Variants in NAV2 observed in about 807,000 individuals in gnomAD.
NAV2 encodes the protein neuron navigator 2.
Under a neutral mutation model 223.2 loss-of-function variants are expected in NAV2, and 54 were observed. The observed-to-expected ratio is 0.24, with a 90% CI of 0.19 to 0.30. The LOEUF (loss-of-function observed/expected upper bound fraction) is 0.30, where lower values mean the gene tolerates loss of function less well. NAV2 is among the 10% of genes least tolerant of loss of function. The pLI, the probability that NAV2 is intolerant of heterozygous loss-of-function variation, is 1.00. For synonymous variants in NAV2, 1,279 were observed against 1,239.3 expected (o/e 1.03, Z -0.67); for missense variants, 2,806 against 3,147.5 (o/e 0.89, Z 2.60).
intron 17 of NAV2, among the ~76,000 whole-genome samples, chr11:20,053,079 A>G (rs1325922795): frequency 6.6e-6 from 1 of 151,918 alleles, no homozygotes; most frequent in Non-Finnish European, 1.5e-5. Flanking sequence ...TTAGCTGGGC[A>G]TGGTGGCACA....
chr11:19,601,293 C>T (rs1189772944), intron 1 of NAV2, among the ~76,000 whole-genome samples: 23 of 152,228 alleles, frequency 1.5e-4, no homozygotes, highest in Admixed American at 1.5e-3. Flanking sequence ...TTGGAACATC[C>T]TCCCTTTTCC....
chr11:19,512,048 G>A (rs2043295234), intron 1 of NAV2, among the ~76,000 whole-genome samples: 1 of 152,166 alleles, frequency 6.6e-6, no homozygotes, highest in African/African-American at 2.4e-5. Flanking sequence ...TTGTACCCCA[G>A]CCCAGTCTTT....
chr11:20,045,215 G>T lies in NAV2; in HGVS notation c.3447G>T (p.Leu1149=). 6.2e-7 allele frequency: 1 copy of T among 1,614,158 alleles called. No homozygotes were observed. Among genetic ancestry groups the T allele is most frequent in the East Asian group, 2.2e-5 (1 of 44,870 alleles). Residue 1149 remains leucine, a synonymous_variant, in exon 14 of 38, where the codon CTG becomes CTT. Transcript: ENST00000349880. ...GVTVTSRSAT[L]GKIPKSSALV... ...CTGTCACCAGCAGGTCAGCCACACT[G>T]GGCAAAATCCCAAAGTCATCTGCAC...
At chr11:19,746,085 G>C (rs2053313903) in intron 1 of NAV2, among the ~76,000 whole-genome samples, 1 of 152,214 alleles carries the variant, frequency 6.6e-6, no homozygotes, top group African/African-American at 2.4e-5. Context: ...GAAGAGAAGT[G>C]ATTTGTCCAA....
chr11:19,488,075 G>A (rs2042505122), intron 1 of NAV2, among the ~76,000 whole-genome samples: 4 of 152,174 alleles, frequency 2.6e-5, no homozygotes, highest in Admixed American at 6.5e-5. Context: ...CTTCAGGAAA[G>A]CAAGATAAAT....
intron 1 of NAV2, among the ~76,000 whole-genome samples, chr11:19,793,223 AAAAAAAGAAAG>A (rs1404097976): frequency 0.024 from 3,443 of 144,464 alleles, 33 homozygotes; most frequent in Non-Finnish European, 0.031. Flanking sequence ...AAAAAAAAAA[AAAAAAAGAAAG>A]AAAGAAAGAA....
At chr11:19,946,281 A>T in intron 8 of NAV2, 120 bp from the exon 9 acceptor site, 1 of 758,056 alleles carries the variant, frequency 1.3e-6, no homozygotes, top group Non-Finnish European at 2.0e-6. Flanking sequence ...CTTATTAAGC[A>T]CCCACAGCAA....
At chr11:19,359,268 G>T (rs897699416) in intron 1 of NAV2, among the ~76,000 whole-genome samples, 1 of 152,176 alleles carries the variant, frequency 6.6e-6, no homozygotes, top group Non-Finnish European at 1.5e-5. Flanking sequence ...GTCTTTATGC[G>T]TGTGGGGATT....
Position 20,090,163 on chromosome 11 carries a change from C to T in NAV2, c.5499-702C>T, listed in dbSNP as rs1280833872. ...TTCCACGCATATCTTTAGGTTTCAT[C>T]CCCATTTTGGCAAATAAAAATCACC... is the stretch of plus-strand genomic sequence containing the variant. On this transcript the variant is annotated intron_variant, in intron 26 of 37. Coordinates refer to ENST00000349880, the MANE Select transcript of NAV2 (RefSeq NM_145117.5). 3.9e-5 allele frequency among the ~76,000 whole-genome samples: 6 copies of T among 152,168 alleles called. No homozygotes were observed. In the East Asian group the frequency reaches 1.2e-3, roughly 29 times the overall value.
chr11:19,843,601 G>A (rs936467326), intron 3 of NAV2, among the ~76,000 whole-genome samples: 1 of 151,966 alleles, frequency 6.6e-6, no homozygotes, highest in Non-Finnish European at 1.5e-5. Flanking sequence ...CATTGGCTTA[G>A]TTTTTCACTT....
intron 8 of NAV2, 82 bp downstream of exon 8, chr11:19,939,855 C>CTG: frequency 1.1e-6 from 1 of 891,320 alleles, no homozygotes; most frequent in Non-Finnish European, 1.7e-6. Flanking sequence ...ATGAACCCAG[C>CTG]TTGATTACGA....
chr11:19,833,736 T>G (rs561006249), intron 2 of NAV2, among the ~76,000 whole-genome samples: 1 of 152,330 alleles, frequency 6.6e-6, no homozygotes, highest in South Asian at 2.1e-4. Flanking sequence ...TGCCCAGGGT[T>G]GCATTCTCAT....
Position 19,961,380 on chromosome 11 carries a change from G to A in NAV2, c.2645+12300G>A, listed in dbSNP as rs943174086. ...GGGAAGGTTGGAGAATACCAAGTTC[G>A]AGTTGAGGTGAATATGAAAAGAAAC... On this transcript the variant is annotated intron_variant, in intron 10 of 37. Transcript: ENST00000349880. Among the ~76,000 whole-genome samples the A allele has an allele frequency of 4.6e-5, 7 of 152,308 alleles. No individual in the cohort carries two copies. In the East Asian group the frequency reaches 7.7e-4, roughly 17 times the overall value.
At chr11:19,373,628 T>C (rs967308726) in intron 1 of NAV2, among the ~76,000 whole-genome samples, 9 of 152,172 alleles carry the variant, frequency 5.9e-5, no homozygotes, top group Admixed American at 4.6e-4. Flanking sequence ...CCCTGTTTTT[T>C]GTTTGTTTGT....
intron 10 of NAV2, among the ~76,000 whole-genome samples, chr11:19,982,448 T>C (rs2050385879): frequency 6.6e-6 from 1 of 152,152 alleles, no homozygotes; most frequent in South Asian, 2.1e-4. Context: ...AATTCACCAT[T>C]TTAAAGCATA....
At chr11:19,724,379 G>T (rs2051052591) in intron 1 of NAV2, among the ~76,000 whole-genome samples, 1 of 152,096 alleles carries the variant, frequency 6.6e-6, no homozygotes, top group Admixed American at 6.5e-5. Flanking sequence ...AAGAGACTGG[G>T]TGTCTCTCTG....
chr11:19,511,653 C>T (rs1190626524), intron 1 of NAV2: 1 of 152,242 alleles, frequency 6.6e-6, no homozygotes, highest in South Asian at 2.1e-4. Flanking sequence ...GTTTACTTCT[C>T]ACTGAGCAGT....
At chr11:19,599,487 GT>G (rs1294444998) in intron 1 of NAV2, among the ~76,000 whole-genome samples, 2 of 152,206 alleles carry the variant, frequency 1.3e-5, no homozygotes, top group African/African-American at 4.8e-5. Context: ...ACACAAAGGC[GT>G]TCTTTGAAGG....
intron 1 of NAV2, among the ~76,000 whole-genome samples, chr11:19,562,927 G>A (rs1232015564): frequency 6.6e-6 from 1 of 152,024 alleles, no homozygotes; most frequent in Non-Finnish European, 1.5e-5. Flanking sequence ...GTTTTCTCTG[G>A]GTCCTAAAAT....
Sources: allele counts gnomAD v4.1 joint callset (sites outside exome capture counted in the v4.1 genomes callset), GRCh38; gene constraint gnomAD v4.1.1; transcripts MANE v1.5; gene names NCBI Gene and HGNC (gene_info 2026-07-23, HGNC 2026-07-21).